The following ZNRF1 variants were observed in gnomAD, a reference collection of about 807,000 sequenced individuals.
The protein encoded by ZNRF1 is zinc and ring finger 1.
Under a neutral mutation model 18.4 loss-of-function variants are expected in ZNRF1, and 3 were observed. The ratio of observed to expected loss-of-function variants is 0.16; its 90% confidence interval spans 0.07 to 0.42. ZNRF1 has a LOEUF of 0.42. ZNRF1 is among the 10% of genes least tolerant of loss of function. The pLI is 0.99. For missense variants in ZNRF1, 310 were observed against 329.8 expected (o/e 0.94, Z 0.47); for synonymous variants, 157 against 144.2 (o/e 1.09, Z -0.64).
At chr16:75,090,891 C>T (rs1051592172) in intron 1 of ZNRF1, among the ~76,000 whole-genome samples, 2 of 152,152 alleles carry the variant, frequency 1.3e-5, no homozygotes, top group African/African-American at 4.8e-5. Context: ...CAGAGTTAGG[C>T]ACCCAATTAA....
In ZNRF1 at chr16:75,093,782, T is replaced by G. The variant is rs564753116; in HGVS notation, c.520+115T>G. On this transcript the variant is annotated intron_variant, in intron 2 of 4. Coordinates refer to ENST00000335325, the MANE Select transcript of ZNRF1 (RefSeq NM_032268.5). ...TGGGCAGTATTTTCACCCTGCCCTC[T>G]GGCAGGTGTGCCTCAGTGGTGGTGA... The G allele has an allele frequency of 8.2e-6, 6 of 735,414 alleles. No individual in the cohort carries two copies. The African/African-American group carries it at 1.0e-4, about 13-fold the overall frequency. 45.6% of individuals were successfully genotyped at this position (735,414 alleles called of 1,614,324 possible).
intron 1 of ZNRF1, among the ~76,000 whole-genome samples, chr16:75,040,243 A>G (rs1172018347): frequency 6.6e-6 from 1 of 150,860 alleles, no homozygotes; most frequent in African/African-American, 2.4e-5. Flanking sequence ...CCATCTCTCA[A>G]AAAGTCCTTT....
intron 4 of ZNRF1, 119 bp downstream of exon 4, chr16:75,106,690 G>A (rs1228116997): frequency 4.2e-6 from 3 of 721,730 alleles, no homozygotes; most frequent in Middle Eastern, 3.2e-4. Context: ...GGAGCAGAGG[G>A]AAGGAGCACC....
At chr16:75,069,410 T>C (rs904547471) in intron 1 of ZNRF1, among the ~76,000 whole-genome samples, 3 of 152,180 alleles carry the variant, frequency 2.0e-5, no homozygotes, top group Admixed American at 6.5e-5. Flanking sequence ...TGGAGTGGGC[T>C]TATCTGGGCT....
intron 2 of ZNRF1, 132 bp from the exon 3 acceptor site, chr16:75,104,652 C>T: frequency 1.5e-6 from 1 of 674,494 alleles, no homozygotes; most frequent in Non-Finnish European, 2.5e-6. Context: ...TCTTGGGGTT[C>T]TGTGTCCCCT....
intron 1 of ZNRF1, among the ~76,000 whole-genome samples, chr16:75,013,312 G>A (rs1201042596): frequency 6.6e-6 from 1 of 151,758 alleles, no homozygotes; most frequent in East Asian, 1.9e-4. Flanking sequence ...ATGAGTTCCA[G>A]CCTGGAGCCC....
intron 1 of ZNRF1, among the ~76,000 whole-genome samples, chr16:75,003,097 G>A (rs1037485988): frequency 7.9e-5 from 12 of 152,190 alleles, no homozygotes; most frequent in Non-Finnish European, 8.8e-5. Flanking sequence ...GGGATTACTG[G>A]CATGCGCCAC....
At chr16:75,031,763 A>C (rs963202809) in intron 1 of ZNRF1, among the ~76,000 whole-genome samples, 1 of 151,908 alleles carries the variant, frequency 6.6e-6, no homozygotes, top group Non-Finnish European at 1.5e-5. Context: ...CGGCTTCTCA[A>C]AGTGTTGGAA....
intron 4 of ZNRF1, chr16:75,107,491 T>A (rs573731296): frequency 3.0e-6 from 1 of 329,244 alleles, no homozygotes; most frequent in South Asian, 2.2e-5. Context: ...GGACATTTGC[T>A]CTTTTTACCT....
At chr16:75,039,247 TTTTA>T (rs1461574157) in intron 1 of ZNRF1, among the ~76,000 whole-genome samples, 1 of 152,298 alleles carries the variant, frequency 6.6e-6, no homozygotes, top group Non-Finnish European at 1.5e-5. Flanking sequence ...AAACTTTCTG[TTTTA>T]TTTATTATTT....
intron 1 of ZNRF1, among the ~76,000 whole-genome samples, chr16:75,040,534 C>T (rs540794082): frequency 6.6e-6 from 1 of 150,678 alleles, no homozygotes; most frequent in Admixed American, 6.6e-5. Context: ...TGAAATCATA[C>T]AGTATGTATT....
intron 1 of ZNRF1, among the ~76,000 whole-genome samples, chr16:75,067,139 A>T (rs192648625): frequency 6.6e-6 from 1 of 152,126 alleles, no homozygotes; most frequent in East Asian, 1.9e-4. Context: ...GTTTATGTGT[A>T]CATTTTCCAT....
chr16:75,103,357 C>T (rs756729653), intron 2 of ZNRF1, among the ~76,000 whole-genome samples: 8 of 152,096 alleles, frequency 5.3e-5, no homozygotes, highest in Non-Finnish European at 1.2e-4. Context: ...AATTTAATAG[C>T]ATTTAAGACA....
At position 75,073,184 on chromosome 16, in the gene ZNRF1, A is replaced by T. The variant is rs548691893; in HGVS notation, c.425-20388A>T. On this transcript the variant is annotated intron_variant, in intron 1 of 4. Coordinates refer to ENST00000335325, the MANE Select transcript of ZNRF1 (RefSeq NM_032268.5). ...TCTGTCTATATATATGTATATATATATACACACATAGATATGTATACGTAT... is the reference window on the plus strand; with the variant it reads ...TCTGTCTATATATATGTATATATATTTACACACATAGATATGTATACGTAT... 2.6e-5 allele frequency among the ~76,000 whole-genome samples: 4 copies of T among 151,472 alleles called. No individual in the cohort carries two copies. The South Asian group carries it at 8.3e-4, about 32-fold the overall frequency.
At chr16:75,051,058 G>T (rs1242692505) in intron 1 of ZNRF1, among the ~76,000 whole-genome samples, 1 of 150,594 alleles carries the variant, frequency 6.6e-6, no homozygotes, top group Non-Finnish European at 1.5e-5. Flanking sequence ...AACAAAACCT[G>T]GGTGTCGTGG....
intron 1 of ZNRF1, among the ~76,000 whole-genome samples, chr16:75,048,103 G>A (rs1026829879): frequency 3.4e-4 from 52 of 151,898 alleles, no homozygotes; most frequent in Non-Finnish European, 5.9e-5. Flanking sequence ...CAGGCACGCC[G>A]CCACGTCTGG....
intron 1 of ZNRF1, among the ~76,000 whole-genome samples, chr16:75,056,239 A>G (rs181428378): frequency 2.6e-5 from 4 of 152,346 alleles, no homozygotes; most frequent in African/African-American, 7.2e-5. Flanking sequence ...TAAAAGGATC[A>G]GTTTCATTCT....
In ZNRF1 at chr16:75,068,414, G is replaced by A. The variant is rs556640977; in HGVS notation, c.425-25158G>A. ...TGGCCTGGCCAGGGTCTCAGTTTGC[G>A]GGGGGCACAAGCAGTGGAGCAGCTG... On this transcript the variant is annotated intron_variant, in intron 1 of 4. Transcript: ENST00000335325. Among the ~76,000 whole-genome samples the A allele has an allele frequency of 1.4e-4, 21 of 152,030 alleles. 1 individual carries two copies. Among genetic ancestry groups the A allele is most frequent in the African/African-American group, 3.9e-4 (16 of 41,494 alleles).
chr16:75,101,315 G>T (rs1339966467), intron 2 of ZNRF1, among the ~76,000 whole-genome samples: 1 of 152,240 alleles, frequency 6.6e-6, no homozygotes, highest in Non-Finnish European at 1.5e-5. Flanking sequence ...CAGCACTTTG[G>T]GAGGCCGAGG....
Sources: allele counts gnomAD v4.1 joint callset (sites outside exome capture counted in the v4.1 genomes callset), GRCh38; gene constraint gnomAD v4.1.1; transcripts MANE v1.5; gene names NCBI Gene and HGNC (gene_info 2026-07-23, HGNC 2026-07-21).